The following VAV2 variants were observed in gnomAD, a reference collection of about 807,000 sequenced individuals.
VAV2 encodes guanine nucleotide exchange factor VAV2.
Under a neutral mutation model 132.5 loss-of-function variants are expected in VAV2, and 67 were observed. That is an observed-to-expected ratio of 0.51 (90% confidence interval 0.42 to 0.62). The LOEUF (loss-of-function observed/expected upper bound fraction) is 0.62. Ranked by LOEUF, VAV2 falls within the 20% of genes least tolerant of loss-of-function variation. The probability of loss-of-function intolerance (pLI) is 0.00; values close to 1 mark genes in which losing one functional copy is unlikely to be tolerated. For missense variants in VAV2, 938 were observed against 1,153.6 expected (o/e 0.81, Z 2.71); for synonymous variants, 492 against 443.5 (o/e 1.11, Z -1.37).
At chr9:133,895,746 T>C (rs1467597957) in intron 2 of VAV2, among the ~76,000 whole-genome samples, 1 of 152,160 alleles carries the variant, frequency 6.6e-6, no homozygotes, top group Non-Finnish European at 1.5e-5. Flanking sequence ...GTGAATACAC[T>C]GAAAACCCCT....
intron 13 of VAV2, among the ~76,000 whole-genome samples, chr9:133,789,950 G>T (rs1291306961): frequency 2.0e-5 from 3 of 152,234 alleles, no homozygotes; most frequent in African/African-American, 7.2e-5. Context: ...ACACGAACAG[G>T]GCCCTGCCTG....
intron 2 of VAV2, among the ~76,000 whole-genome samples, chr9:133,906,137 G>A (rs1839644010): frequency 6.6e-6 from 1 of 152,202 alleles, no homozygotes; most frequent in Non-Finnish European, 1.5e-5. Flanking sequence ...CCCCAGTGTG[G>A]CGTGGATCCC....
At chr9:133,783,649 C>G in intron 18 of VAV2, 58 bp from the exon 19 acceptor site, 1 of 1,542,494 alleles carries the variant, frequency 6.5e-7, no homozygotes, top group Non-Finnish European at 9.0e-7. Context: ...TCATGCCTCT[C>G]TGCCAAGGTC....
In VAV2 at chr9:133,969,269, C is replaced by T. The variant is rs546115909; in HGVS notation, c.204+22806G>A. On this transcript the variant is annotated intron_variant, in intron 1 of 29. Coordinates refer to ENST00000371850, the MANE Select transcript of VAV2 (RefSeq NM_001134398.2). The surrounding 1 kb of genome is among the most constrained non-coding windows in gnomAD (Gnocchi z 5.1). ...GATGAACTGCGGCTTCTCACGGCTG[C>T]GCTGCTGGCATGGTAGAGAATACAA... 6.0e-4 allele frequency among the ~76,000 whole-genome samples: 91 copies of T among 151,966 alleles called. 1 individual carries two copies. Among genetic ancestry groups the T allele is most frequent in the Non-Finnish European group, 9.1e-4 (62 of 68,030 alleles).
intron 2 of VAV2, among the ~76,000 whole-genome samples, chr9:133,866,170 G>C (rs1356962520): frequency 2.0e-5 from 3 of 152,206 alleles, no homozygotes; most frequent in Non-Finnish European, 2.9e-5. Flanking sequence ...GGTGGGTGGG[G>C]AGCCAAGCTG....
At chr9:133,841,470 C>T (rs564056612) in intron 3 of VAV2, among the ~76,000 whole-genome samples, 1 of 152,234 alleles carries the variant, frequency 6.6e-6, no homozygotes, top group East Asian at 1.9e-4. Context: ...ACAACCACCA[C>T]CTCAGAGCAG....
At chr9:133,889,320 T>G (rs1011517780) in intron 2 of VAV2, among the ~76,000 whole-genome samples, 1 of 152,144 alleles carries the variant, frequency 6.6e-6, no homozygotes, top group Non-Finnish European at 1.5e-5. Flanking sequence ...TGCCCACGCC[T>G]GTGTGGGAGA....
intron 1 of VAV2, among the ~76,000 whole-genome samples, chr9:133,970,988 T>G (rs1036931794): frequency 1.3e-5 from 2 of 152,194 alleles, no homozygotes; most frequent in African/African-American, 4.8e-5. Context: ...TGTGTGAAAA[T>G]TCTATCTTTT....
rs769441112 is a variant in VAV2 at position 133,806,069 on chromosome 9, G to A, written c.836+12C>T. On this transcript the variant is annotated intron_variant, in intron 9 of 29. Transcript: ENST00000371850. ...AGGGGCCAAGGAGCCCCAGGAGCCG[G>A]CAGCCACTCACCTTTCCTTGAAATC... The A allele has an allele frequency of 8.1e-6, 13 of 1,610,264 alleles. No individual in the cohort carries two copies. In the Admixed American group the frequency reaches 2.2e-4, roughly 27 times the overall value.
intron 22 of VAV2, 71 bp from the exon 23 acceptor site, chr9:133,777,534 C>A: frequency 6.9e-7 from 1 of 1,453,444 alleles, no homozygotes; most frequent in Non-Finnish European, 9.6e-7. Context: ...GCCATTTAGA[C>A]GGACTCAGCG....
In VAV2 at chr9:133,961,305, G is replaced by A. The variant is rs970113942; in HGVS notation, c.205-22086C>T. On this transcript the variant is annotated intron_variant, in intron 1 of 29. Coordinates refer to ENST00000371850, the MANE Select transcript of VAV2 (RefSeq NM_001134398.2). This position sits in a 1 kb window ranked among gnomAD's most constrained non-coding sequence, Gnocchi z 4.1. ...GGGACCCCCGGCCAGGACTCAAGCC[G>A]GCCAATGAGGGCTGAAGCTTCGGCC... 6.6e-5 allele frequency among the ~76,000 whole-genome samples: 10 copies of A among 152,314 alleles called. No individual in the cohort carries two copies. The highest frequency in any genetic ancestry group is 1.9e-4 in the East Asian group (1 of 5,170).
intron 10 of VAV2, 86 bp downstream of exon 10, chr9:133,797,624 A>G (rs1834769403): frequency 2.5e-6 from 3 of 1,192,678 alleles, no homozygotes; most frequent in East Asian, 2.5e-5. Context: ...ACAAATGGGC[A>G]AGAGAGAGGC....
At chr9:133,952,697 GAAGAC>G (rs1320018582) in intron 1 of VAV2, among the ~76,000 whole-genome samples, 4 of 152,306 alleles carry the variant, frequency 2.6e-5, no homozygotes, top group East Asian at 3.9e-4. Context: ...AGAGAAGACA[GAAGAC>G]AAGAGGCCGT....
rs779080016 is a variant in VAV2 at position 133,809,078 on chromosome 9, C to T, written c.628G>A (p.Glu210Lys). The T allele has an allele frequency of 4.3e-6, 7 of 1,614,020 alleles. No individual in the cohort carries two copies. The highest frequency in any genetic ancestry group is 2.2e-5 in the East Asian group (1 of 44,876). ...TCCAGGGTGCGGTAGTACTTGGCCT[C>T]GGTCTCCTGGATCTCCAGCAGGCAG... ...NCCLLEIQETEAKYYRTLEDI... is the reference protein window; with the variant it reads ...NCCLLEIQETKAKYYRTLEDI... Residue 210 changes from glutamate (E) to lysine (K), a missense_variant, in exon 7 of 30, where the codon GAG (glutamate) becomes AAG (lysine). Glu to Lys is a moderately conservative substitution (Grantham distance 56, BLOSUM62 1). Transcript: ENST00000371850.
At position 133,987,036 on chromosome 9, in the gene VAV2, T is replaced by C. The variant is rs145797940; in HGVS notation, c.204+5039A>G. On this transcript the variant is annotated intron_variant, in intron 1 of 29. Transcript: ENST00000371850. The stretch of plus-strand genomic sequence containing the variant: ...ATTTTATTATTATTTATTTATTATA[T>C]ATTTATTTATTTATTATTTCTCGAA... 6.0e-5 allele frequency among the ~76,000 whole-genome samples: 9 copies of C among 149,498 alleles called. No individual in the cohort carries two copies. In the East Asian group the frequency reaches 1.6e-3, roughly 26 times the overall value.
chr9:133,886,263 G>A (rs3780742), intron 2 of VAV2, among the ~76,000 whole-genome samples: 2 of 152,206 alleles, frequency 1.3e-5, no homozygotes, highest in African/African-American at 4.8e-5. Context: ...GCTGGGCCTC[G>A]TCTGATGCTT....
intron 3 of VAV2, among the ~76,000 whole-genome samples, chr9:133,859,981 T>C (rs1345337055): frequency 6.6e-6 from 1 of 152,140 alleles, no homozygotes; most frequent in Non-Finnish European, 1.5e-5. Context: ...TAAATATTCT[T>C]TTGTATGTGC....
chr9:133,876,084 G>C (rs1838251812), intron 2 of VAV2, among the ~76,000 whole-genome samples: 1 of 152,178 alleles, frequency 6.6e-6, no homozygotes, highest in African/African-American at 2.4e-5. Context: ...CTTGGGTCTT[G>C]GGCCTTCGGA....
intron 2 of VAV2, among the ~76,000 whole-genome samples, chr9:133,938,667 C>T (rs1306740884): frequency 1.3e-5 from 2 of 152,128 alleles, no homozygotes; most frequent in African/African-American, 4.8e-5. Context: ...TTACAGAGCA[C>T]ACAGTAGGCG....
Sources: gnomAD v4.1 joint callset for allele counts (sites outside exome capture counted in the v4.1 genomes callset) on GRCh38, gnomAD v4.1.1 for gene constraint, Gnocchi (gnomAD v3.1) non-coding constraint, MANE v1.5 for transcripts, NCBI Gene and HGNC (gene_info 2026-07-23, HGNC 2026-07-21) for gene names.